PPP4R2: variants seen among roughly 807,000 people sequenced by gnomAD.
The protein encoded by PPP4R2 is protein phosphatase 4 regulatory subunit 2.
In PPP4R2, 13 loss-of-function variants were observed where a neutral mutation model predicts 47.2. The ratio of observed to expected loss-of-function variants is 0.28; its 90% CI spans 0.18 to 0.44. The LOEUF (loss-of-function observed/expected upper bound fraction) is 0.44, where lower values mean the gene tolerates loss of function less well. Among genes scored for constraint, PPP4R2 ranks in the 20% least tolerant of loss-of-function variants. The probability of loss-of-function intolerance (pLI) is 1.00; values close to 1 mark genes in which losing one functional copy is unlikely to be tolerated. For missense variants in PPP4R2, 421 were observed against 491.2 expected, an observed-to-expected ratio of 0.86 and a Z score of 1.35; for synonymous variants, 151 against 163.3, an observed-to-expected ratio of 0.92 and a Z score of 0.57.
At chr3:73,004,873 GTTTGTTTGTT>G (rs1559545886) in intron 2 of PPP4R2, among the ~76,000 whole-genome samples, 13 of 57,802 alleles carry the variant, frequency 2.2e-4, no homozygotes, top group African/African-American at 1.0e-3. Flanking sequence ...GTGTGTGTTT[GTTTGTTTGTT>G]TGTGTGTGTG....
intron 2 of PPP4R2, among the ~76,000 whole-genome samples, chr3:73,003,073 TAATG>T (rs1701512623): frequency 6.6e-6 from 1 of 152,170 alleles, no homozygotes; most frequent in Non-Finnish European, 1.5e-5. Flanking sequence ...TCTAAAATAA[TAATG>T]CGAATATTAC....
intron 3 of PPP4R2, among the ~76,000 whole-genome samples, chr3:73,049,285 T>C (rs1702561113): frequency 6.6e-6 from 1 of 151,930 alleles, no homozygotes; most frequent in African/African-American, 2.4e-5. Flanking sequence ...GATCACTAGG[T>C]CAGGAGATTG....
chr3:73,035,607 A>AAG (rs951014119), intron 2 of PPP4R2, among the ~76,000 whole-genome samples: 35 of 152,230 alleles, frequency 2.3e-4, no homozygotes, highest in African/African-American at 8.4e-4. Context: ...CAGTGTGTCA[A>AAG]AGAGATACCT....
At chr3:73,027,393 T>C (rs72889048) in intron 2 of PPP4R2, among the ~76,000 whole-genome samples, 20,605 of 152,288 alleles carry the variant, frequency 0.14, 1,696 homozygotes, top group East Asian at 0.36. Flanking sequence ...CCTAAAGTGC[T>C]GGGATTACAG....
chr3:73,020,873 G>A (rs1365996991), intron 2 of PPP4R2, among the ~76,000 whole-genome samples: 1 of 151,892 alleles, frequency 6.6e-6, no homozygotes, highest in Non-Finnish European at 1.5e-5. Flanking sequence ...GAGAGTATAA[G>A]TTCTCAGGTG....
intron 2 of PPP4R2, among the ~76,000 whole-genome samples, chr3:73,003,760 G>A (rs1300428691): frequency 6.6e-6 from 1 of 151,802 alleles, no homozygotes; most frequent in Non-Finnish European, 1.5e-5. Flanking sequence ...GTGCAGTGGT[G>A]CGATCTTGAC....
chr3:73,027,503 T>C (rs1702089164), intron 2 of PPP4R2, among the ~76,000 whole-genome samples: 2 of 152,228 alleles, frequency 1.3e-5, no homozygotes, highest in African/African-American at 4.8e-5. Context: ...TCTACCTGAT[T>C]TGTTTTTTCT....
At chr3:73,042,887 G>C (rs972180933) in intron 2 of PPP4R2, among the ~76,000 whole-genome samples, 1 of 151,944 alleles carries the variant, frequency 6.6e-6, no homozygotes, top group African/African-American at 2.4e-5. Context: ...TCAATTTATG[G>C]GGCTTAATTT....
chr3:72,999,076 G>T (rs1701408806), intron 2 of PPP4R2, among the ~76,000 whole-genome samples: 1 of 152,046 alleles, frequency 6.6e-6, no homozygotes, highest in Non-Finnish European at 1.5e-5. Flanking sequence ...TTAACAACTA[G>T]CCTAATTTTA....
chr3:73,037,176 A>G (rs1294060533), intron 2 of PPP4R2, among the ~76,000 whole-genome samples: 4 of 152,176 alleles, frequency 2.6e-5, no homozygotes, highest in Admixed American at 6.5e-5. Context: ...AAAAAATTCT[A>G]GATTAGATCT....
At chr3:73,047,735 T>C (rs1439973797) in intron 3 of PPP4R2, among the ~76,000 whole-genome samples, 2 of 152,260 alleles carry the variant, frequency 1.3e-5, no homozygotes, top group African/African-American at 2.4e-5. Flanking sequence ...AGTTTTTGTT[T>C]AGACTTTTTT....
At chr3:73,063,625 T>C (rs756284724) in intron 5 of PPP4R2, 48 bp from the exon 6 acceptor site, 10 of 1,131,510 alleles carry the variant, frequency 8.8e-6, no homozygotes, top group Non-Finnish European at 1.3e-5. Flanking sequence ...CCAGACTCCA[T>C]CTAAAAAAAA....
intron 3 of PPP4R2, among the ~76,000 whole-genome samples, chr3:73,053,635 C>T (rs1431236598): frequency 1.3e-5 from 2 of 151,976 alleles, no homozygotes; most frequent in Non-Finnish European, 2.9e-5. Context: ...ATTAGCTGGG[C>T]GTGGTGGCTC....
At chr3:73,001,721 C>T (rs902639378) in intron 2 of PPP4R2, among the ~76,000 whole-genome samples, 1 of 152,054 alleles carries the variant, frequency 6.6e-6, no homozygotes, top group Non-Finnish European at 1.5e-5. Context: ...TCACTTCATC[C>T]CCCACCTCCT....
intron 2 of PPP4R2, among the ~76,000 whole-genome samples, chr3:73,002,116 GACTTA>G (rs1339804356): frequency 6.6e-6 from 1 of 152,124 alleles, no homozygotes; most frequent in Non-Finnish European, 1.5e-5. Flanking sequence ...TTCTGTGCTT[GACTTA>G]ACTTCACTTA....
chr3:73,039,927 G>T (rs1470103057), intron 2 of PPP4R2, among the ~76,000 whole-genome samples: 1 of 152,156 alleles, frequency 6.6e-6, no homozygotes, highest in Non-Finnish European at 1.5e-5. Context: ...GGTGGCAGGT[G>T]CCTGTAATCC....
intron 2 of PPP4R2, among the ~76,000 whole-genome samples, chr3:73,046,011 G>T (rs1182460488): frequency 6.6e-6 from 1 of 152,072 alleles, no homozygotes; most frequent in Admixed American, 6.6e-5. Flanking sequence ...TGTATTCAAG[G>T]GTTGGGATTT....
At chr3:73,025,230 C>A (rs1559554404) in intron 2 of PPP4R2, among the ~76,000 whole-genome samples, 1 of 152,120 alleles carries the variant, frequency 6.6e-6, no homozygotes, top group Non-Finnish European at 1.5e-5. Context: ...ACCTGCAATT[C>A]ATCATATTGG....
At chr3:73,044,413 C>T (rs548883781) in intron 2 of PPP4R2, among the ~76,000 whole-genome samples, 6 of 152,096 alleles carry the variant, frequency 3.9e-5, no homozygotes, top group South Asian at 4.2e-4. Flanking sequence ...GGTGAAACCC[C>T]GTCTCTACTA....
Sources: gnomAD v4.1 joint callset for allele counts (sites outside exome capture counted in the v4.1 genomes callset) on GRCh38, gnomAD v4.1.1 for gene constraint, MANE v1.5 for transcripts, NCBI Gene and HGNC (gene_info 2026-07-23, HGNC 2026-07-21) for gene names.